Variants in CHRM3 observed in about 807,000 individuals in gnomAD.
CHRM3 encodes cholinergic receptor muscarinic 3.
CHRM3 carries 11 observed loss-of-function variants against 41.8 expected under a neutral mutation model. The observed-to-expected ratio is 0.26, with a 90% CI of 0.17 to 0.44. CHRM3 has a LOEUF of 0.44. Ranked by LOEUF, CHRM3 falls within the 20% of genes least tolerant of loss-of-function variation. The pLI is 1.00. For synonymous variants in CHRM3, 297 were observed against 301.4 expected (o/e 0.99, Z 0.15); for missense variants, 571 against 745.4 (o/e 0.77, Z 2.72).
At chr1:239,777,326 C>T (rs976890781) in intron 5 of CHRM3, among the ~76,000 whole-genome samples, 1 of 152,042 alleles carries the variant, frequency 6.6e-6, no homozygotes, top group Non-Finnish European at 1.5e-5. Flanking sequence ...TTTGGAACAA[C>T]GTTTGAGGGA....
At chr1:239,488,584 A>G (rs1319634146) in intron 1 of CHRM3, among the ~76,000 whole-genome samples, 1 of 151,670 alleles carries the variant, frequency 6.6e-6, no homozygotes, top group Non-Finnish European at 1.5e-5. Context: ...GTGTGGTGGC[A>G]GGCGCCTGTA....
intron 5 of CHRM3, among the ~76,000 whole-genome samples, chr1:239,799,100 A>G (rs1031829038): frequency 3.3e-5 from 5 of 152,206 alleles, no homozygotes; most frequent in African/African-American, 1.2e-4. Context: ...GCTGAACACC[A>G]GCAAAATAAT....
chr1:239,687,709 A>G (rs1171403044), intron 5 of CHRM3, among the ~76,000 whole-genome samples: 1 of 152,182 alleles, frequency 6.6e-6, no homozygotes, highest in Non-Finnish European at 1.5e-5. Flanking sequence ...CAGTGCTCCC[A>G]TAACATAATA....
Position 239,404,719 on chromosome 1 carries a change from AATATATATATATAT to A in CHRM3, c.-521+17517_-521+17530del, listed in dbSNP as rs67746016. ...CATTAAATGTATCATGCTATATCTAAATATATATATATATATATATATATATATATATATATATG... is the reference window on the plus strand; with the variant it reads ...CATTAAATGTATCATGCTATATCTAAATATATATATATATATATATATATG... On this transcript the variant is annotated intron_variant, in intron 1 of 6. Coordinates refer to ENST00000676153, the MANE Select transcript of CHRM3 (RefSeq NM_001375978.1). Among the ~76,000 whole-genome samples, 66 of 97,354 alleles carry A rather than the reference AATATATATATATAT, an allele frequency of 6.8e-4. 1 individual carries two copies. Among genetic ancestry groups the A allele is most frequent in the African/African-American group, 2.1e-3 (53 of 25,546 alleles). 63.9% of individuals were successfully genotyped at this position (97,354 alleles called of 152,430 possible).
intron 5 of CHRM3, among the ~76,000 whole-genome samples, chr1:239,811,092 G>A (rs771782069): frequency 2.6e-5 from 4 of 152,200 alleles, no homozygotes; most frequent in Non-Finnish European, 4.4e-5. Context: ...AACAGTTTAT[G>A]AATTTGAACT....
intron 1 of CHRM3, among the ~76,000 whole-genome samples, chr1:239,462,973 T>C (rs1191271433): frequency 2.0e-5 from 3 of 152,244 alleles, no homozygotes; most frequent in African/African-American, 4.8e-5. Flanking sequence ...GAAGAATTTA[T>C]AAGCCCTAAT....
intron 1 of CHRM3, among the ~76,000 whole-genome samples, chr1:239,491,313 T>C (rs1667540295): frequency 6.6e-6 from 1 of 152,246 alleles, no homozygotes; most frequent in African/African-American, 2.4e-5. Flanking sequence ...TGCACTTTTA[T>C]ATCTATTAAC....
chr1:239,785,456 T>A (rs1339547176), intron 5 of CHRM3, among the ~76,000 whole-genome samples: 1 of 152,184 alleles, frequency 6.6e-6, no homozygotes, highest in East Asian at 1.9e-4. Flanking sequence ...AAAAATAAAT[T>A]GTGTAAACCC....
rs369267431 is a variant in CHRM3, at chr1:239,758,199, G to A, written c.-146-69053G>A. On this transcript the variant is annotated intron_variant, in intron 5 of 6. Transcript: ENST00000676153. ...ATACTTTCAAAGAATTATAGCTCCT[G>A]AAACTTTAAATAAATGTCTCAAAAT... Among the ~76,000 whole-genome samples the A allele has an allele frequency of 2.6e-4, 40 of 152,228 alleles. 1 individual carries two copies. The East Asian group carries it at 6.6e-3, about 25-fold the overall frequency.
chr1:239,633,157 G>C (rs1325178856), intron 4 of CHRM3, among the ~76,000 whole-genome samples: 2 of 152,162 alleles, frequency 1.3e-5, no homozygotes, highest in African/African-American at 4.8e-5. Context: ...ATTTTCAGTA[G>C]AGATGGGGTT....
intron 6 of CHRM3, among the ~76,000 whole-genome samples, chr1:239,871,037 C>T (rs975687005): frequency 6.6e-6 from 1 of 151,996 alleles, no homozygotes; most frequent in Admixed American, 6.6e-5. Flanking sequence ...CGCTTTGAGA[C>T]GTGTTCCCTG....
chr1:239,762,122 GCAAT>G (rs1371783754), intron 5 of CHRM3, among the ~76,000 whole-genome samples: 18 of 152,080 alleles, frequency 1.2e-4, no homozygotes, highest in Non-Finnish European at 1.8e-4. Context: ...TGTAGTTGAG[GCAAT>G]AGGGTAAATC....
chr1:239,645,979 A>G (rs1671706412), intron 4 of CHRM3, among the ~76,000 whole-genome samples: 1 of 152,210 alleles, frequency 6.6e-6, no homozygotes, highest in African/African-American at 2.4e-5. Flanking sequence ...AGACTTGAAA[A>G]TTAAAGCATA....
intron 6 of CHRM3, among the ~76,000 whole-genome samples, chr1:239,841,487 T>C (rs974940491): frequency 1.3e-5 from 2 of 152,194 alleles, no homozygotes; most frequent in Non-Finnish European, 2.9e-5. Context: ...TAAAACTCTA[T>C]TACCTGTTGA....
At chr1:239,456,095 G>A (rs192406395) in intron 1 of CHRM3, among the ~76,000 whole-genome samples, 108 of 152,314 alleles carry the variant, frequency 7.1e-4, no homozygotes, top group Non-Finnish European at 1.2e-3. Flanking sequence ...ATCTGATGCC[G>A]TGATCCTGGT....
intron 1 of CHRM3, among the ~76,000 whole-genome samples, chr1:239,441,028 A>G (rs777425056): frequency 3.9e-5 from 6 of 152,230 alleles, no homozygotes; most frequent in Non-Finnish European, 8.8e-5. Context: ...AGTTAAATTC[A>G]TAAACCAGCA....
intron 5 of CHRM3, among the ~76,000 whole-genome samples, chr1:239,745,847 T>C (rs895153396): frequency 1.3e-5 from 2 of 152,196 alleles, no homozygotes; most frequent in African/African-American, 4.8e-5. Flanking sequence ...GAGCATAATA[T>C]GATATGGCTA....
At chr1:239,400,773 A>G (rs1406914358) in intron 1 of CHRM3, among the ~76,000 whole-genome samples, 3 of 152,088 alleles carry the variant, frequency 2.0e-5, no homozygotes, top group East Asian at 1.9e-4. Context: ...ACAAAGATTT[A>G]TTTTTGGGCT....
intron 1 of CHRM3, among the ~76,000 whole-genome samples, chr1:239,390,328 T>C (rs1346508422): frequency 1.3e-5 from 2 of 152,224 alleles, no homozygotes; most frequent in African/African-American, 4.8e-5. Context: ...GAAAAATTAC[T>C]AGCCTTTCAG....
Sources: allele counts gnomAD v4.1 joint callset (sites outside exome capture counted in the v4.1 genomes callset), GRCh38; gene constraint gnomAD v4.1.1; transcripts MANE v1.5; gene names NCBI Gene and HGNC (gene_info 2026-07-23, HGNC 2026-07-21).